Variants in SEMA6D observed in about 807,000 individuals in gnomAD.
The protein encoded by SEMA6D is semaphorin-6D.
SEMA6D carries 35 observed loss-of-function variants against 106.6 expected under a neutral mutation model. That is an observed-to-expected ratio of 0.33 (90% CI 0.25 to 0.44). The LOEUF (loss-of-function observed/expected upper bound fraction) is 0.44. SEMA6D is among the 20% of genes least tolerant of loss of function. The probability of loss-of-function intolerance (pLI) is 1.00; values close to 1 mark genes in which losing one functional copy is unlikely to be tolerated. For missense variants in SEMA6D, 1,185 were observed against 1,345.9 expected (o/e 0.88, Z 1.87); for synonymous variants, 499 against 487.7 (o/e 1.02, Z -0.31).
At chr15:47,604,866 A>AATTTT (rs112259907) in intron 4 of SEMA6D, among the ~76,000 whole-genome samples, 1 of 144,170 alleles carries the variant, frequency 6.9e-6, no homozygotes, top group Non-Finnish European at 1.5e-5. Flanking sequence ...TGCCTGGCTA[A>AATTTT]TTTTTTTTTT....
At chr15:47,343,366 A>G (rs949561133) in intron 1 of SEMA6D, among the ~76,000 whole-genome samples, 2 of 151,622 alleles carry the variant, frequency 1.3e-5, no homozygotes, top group African/African-American at 4.9e-5. Flanking sequence ...TTAACTCGTC[A>G]TTTAGCGTTA....
intron 3 of SEMA6D, among the ~76,000 whole-genome samples, chr15:47,537,028 C>T (rs2045189661): frequency 6.6e-6 from 1 of 152,046 alleles, no homozygotes; most frequent in Admixed American, 6.6e-5. Flanking sequence ...TCAGATAACA[C>T]CAAGGTGGTA....
chr15:47,302,670 T>TA (rs1288898599), intron 1 of SEMA6D, among the ~76,000 whole-genome samples: 4 of 151,960 alleles, frequency 2.6e-5, no homozygotes, highest in African/African-American at 9.7e-5. Flanking sequence ...GCTAGAGAGA[T>TA]ACAGTAGGAG....
chr15:47,213,157 T>G (rs933038972), intron 1 of SEMA6D, among the ~76,000 whole-genome samples: 13 of 152,182 alleles, frequency 8.5e-5, no homozygotes, highest in African/African-American at 2.9e-4. Flanking sequence ...CATTTAAATT[T>G]CAGTTCCTCA....
chr15:47,545,226 T>A (rs1481277804), intron 3 of SEMA6D, among the ~76,000 whole-genome samples: 1 of 152,152 alleles, frequency 6.6e-6, no homozygotes, highest in Non-Finnish European at 1.5e-5. Context: ...GATTGAAAAT[T>A]AACACTTTGG....
intron 3 of SEMA6D, among the ~76,000 whole-genome samples, chr15:47,529,377 C>T (rs75717796): frequency 0.02 from 3,082 of 152,040 alleles, 112 homozygotes; most frequent in African/African-American, 0.071. Context: ...TGCATATAAG[C>T]ATATAAGTGG....
At chr15:47,595,773 T>G (rs2076524193) in intron 3 of SEMA6D, among the ~76,000 whole-genome samples, 1 of 152,172 alleles carries the variant, frequency 6.6e-6, no homozygotes, top group Admixed American at 6.5e-5. Flanking sequence ...CTTTTTAGAT[T>G]TTAATTTTTT....
intron 3 of SEMA6D, among the ~76,000 whole-genome samples, chr15:47,517,149 A>G (rs1224532002): frequency 6.6e-6 from 1 of 152,024 alleles, no homozygotes; most frequent in African/African-American, 2.4e-5. Flanking sequence ...GTCATCTATT[A>G]CTCTTAGGAC....
At chr15:47,318,592 T>G (rs1257503045) in intron 1 of SEMA6D, among the ~76,000 whole-genome samples, 1 of 148,286 alleles carries the variant, frequency 6.7e-6, no homozygotes, top group Non-Finnish European at 1.5e-5. Context: ...ACAAAGGACA[T>G]GAACTCATCA....
intron 1 of SEMA6D, among the ~76,000 whole-genome samples, chr15:47,233,828 G>A (rs1019538165): frequency 1.3e-5 from 2 of 151,850 alleles, no homozygotes; most frequent in Non-Finnish European, 2.9e-5. Context: ...GCATTTTGGG[G>A]ATTGTCTATA....
rs1054196351 is a variant in SEMA6D at position 47,251,857 on chromosome 15, G to A, written c.-239+67439G>A. 6.2e-5 allele frequency among the ~76,000 whole-genome samples: 9 copies of A among 144,354 alleles called. No individual in the cohort carries two copies. The East Asian group carries it at 1.9e-3, about 30-fold the overall frequency. 94.7% of individuals were successfully genotyped at this position (144,354 alleles called of 152,430 possible). A position where few individuals can be genotyped will look rare whatever the true frequency, so the allele number is the denominator to read the frequency against. ...GTTTATTAATATTTGCCATTTGTAT[G>A]TCCTCTTCAGTAAGTATCTGTTCAT... On this transcript the variant is annotated intron_variant, in intron 1 of 19. Coordinates refer to the SEMA6D transcript ENST00000558014.
At position 47,535,100 on chromosome 15, in the gene SEMA6D, C is replaced by CA. The variant is rs536789761; in HGVS notation, c.-87+64562dup. ...AAAAAAAAACACAAAAACACACACACAAAAAAACACAAAAAAACACAAAAA... is the reference window on the plus strand; with the variant it reads ...AAAAAAAAACACAAAAACACACACACAAAAAAAACACAAAAAAACACAAAAA... On this transcript the variant is annotated intron_variant, in intron 3 of 19. Coordinates refer to the SEMA6D transcript ENST00000558014. 2.2e-3 allele frequency among the ~76,000 whole-genome samples: 319 copies of CA among 147,522 alleles called. 1 individual carries two copies. Among genetic ancestry groups the CA allele is most frequent in the Non-Finnish European group, 3.6e-3 (239 of 66,760 alleles).
At chr15:47,554,898 C>T (rs930813823) in intron 3 of SEMA6D, among the ~76,000 whole-genome samples, 8 of 152,106 alleles carry the variant, frequency 5.3e-5, no homozygotes, top group Admixed American at 4.6e-4. Flanking sequence ...CAGCAGGGCT[C>T]AATCCAGGAT....
chr15:47,754,829 TTC>T (rs1459107176), intron 1 of SEMA6D, among the ~76,000 whole-genome samples: 1 of 152,188 alleles, frequency 6.6e-6, no homozygotes. Flanking sequence ...CTCTCCATAT[TTC>T]TGTCTGATAA....
intron 1 of SEMA6D, among the ~76,000 whole-genome samples, chr15:47,302,003 C>G (rs1270220619): frequency 2.0e-5 from 3 of 152,156 alleles, no homozygotes; most frequent in Non-Finnish European, 4.4e-5. Flanking sequence ...TTGACAATCA[C>G]AAAAACAGCA....
intron 1 of SEMA6D, among the ~76,000 whole-genome samples, chr15:47,370,368 A>C (rs2039222444): frequency 6.6e-6 from 1 of 152,162 alleles, no homozygotes; most frequent in Non-Finnish European, 1.5e-5. Flanking sequence ...TATGAAAATT[A>C]GCCAGGCTTG....
chr15:47,329,545 A>C (rs936687434), intron 1 of SEMA6D, among the ~76,000 whole-genome samples: 2 of 152,186 alleles, frequency 1.3e-5, no homozygotes, highest in Non-Finnish European at 2.9e-5. Flanking sequence ...AATCATTGGG[A>C]TTTACTTTAA....
chr15:47,454,600 C>CACACACACAG (rs929373160), intron 2 of SEMA6D, among the ~76,000 whole-genome samples: 2 of 8,694 alleles, frequency 2.3e-4, no homozygotes, highest in African/African-American at 7.3e-3. Context: ...TGCACATGTG[C>CACACACACAG]ACACACACAC....
At chr15:47,289,509 C>CA (rs1450592664) in intron 1 of SEMA6D, among the ~76,000 whole-genome samples, 1 of 149,630 alleles carries the variant, frequency 6.7e-6, no homozygotes, top group Non-Finnish European at 1.5e-5. Flanking sequence ...AGTGTAGCAA[C>CA]AAAGAGCCCA....
Sources: allele counts gnomAD v4.1 joint callset (sites outside exome capture counted in the v4.1 genomes callset), GRCh38; gene constraint gnomAD v4.1.1; transcripts MANE v1.5; gene names NCBI Gene and HGNC (gene_info 2026-07-23, HGNC 2026-07-21).